STPG2: variants seen among roughly 807,000 people sequenced by gnomAD.
STPG2 encodes the protein sperm tail PG-rich repeat containing 2.
Under a neutral mutation model 54.2 loss-of-function variants are expected in STPG2, and 56 were observed. The ratio of observed to expected loss-of-function variants is 1.03; its 90% CI spans 0.83 to 1.29. The LOEUF (loss-of-function observed/expected upper bound fraction) is 1.29. Among genes scored for constraint, STPG2 ranks in the 50% most tolerant of loss-of-function variants. The probability of loss-of-function intolerance (pLI) is 0.00; values close to 1 mark genes in which losing one functional copy is unlikely to be tolerated. For missense variants in STPG2, 596 were observed against 544.9 expected (o/e 1.09, Z -0.93); for synonymous variants, 200 against 181.8 (o/e 1.10, Z -0.81).
At chr4:97,899,733 A>T (rs1022255405) in intron 8 of STPG2, among the ~76,000 whole-genome samples, 1 of 152,118 alleles carries the variant, frequency 6.6e-6, no homozygotes, top group Non-Finnish European at 1.5e-5. Flanking sequence ...AATAATCCCT[A>T]TTCAATAAAT....
intron 10 of STPG2, among the ~76,000 whole-genome samples, chr4:97,593,331 A>G (rs1178140499): frequency 6.6e-6 from 1 of 152,066 alleles, no homozygotes; most frequent in Non-Finnish European, 1.5e-5. Flanking sequence ...GCCAGTGTAC[A>G]TGGGCAGACG....
chr4:97,811,532 T>C lies in STPG2; in HGVS notation c.1204+29241A>G, dbSNP rs1384175864. 4.6e-5 allele frequency among the ~76,000 whole-genome samples: 6 copies of C among 129,852 alleles called. No homozygotes were observed. In the East Asian group the frequency reaches 6.7e-4, roughly 14 times the overall value. The allele number at this position is 129,852 out of a possible 152,430, so 85.2% of individuals were successfully genotyped here. ...AAAAATACAGTATTCTCATAAGTTG[T>C]AGCAGCAGTAAAAAAAAAAATGTTA... On this transcript the variant is annotated intron_variant, in intron 9 of 10. Transcript: ENST00000295268.
intron 4 of STPG2, among the ~76,000 whole-genome samples, chr4:97,455,108 A>G (rs987848362): frequency 1.3e-5 from 2 of 152,212 alleles, no homozygotes; most frequent in African/African-American, 4.8e-5. Flanking sequence ...AAATAGCTCA[A>G]AAGAGATCAC....
chr4:97,617,994 G>T (rs1733917678), intron 10 of STPG2, among the ~76,000 whole-genome samples: 1 of 152,134 alleles, frequency 6.6e-6, no homozygotes, highest in Non-Finnish European at 1.5e-5. Context: ...ATCAACCAAA[G>T]TAAGTAACCC....
Position 98,134,405 on chromosome 4 carries a change from G to A in STPG2, c.164C>T (p.Ala55Val), listed in dbSNP as rs748635311. 6 of 1,588,086 alleles carry A rather than the reference G, an allele frequency of 3.8e-6. No individual in the cohort carries two copies. The highest frequency in any genetic ancestry group is 1.1e-5 in the South Asian group (1 of 87,496). ...LTARESTFTI[A>V]SSIEKAVPGP... is the part of the protein sequence containing the mutation. ...TGGAACAGCTTTCTCAATGCTAGAGGCAATGGTAAAAGTACTTTCTCTGGC... is the reference window on the plus strand; with the variant it reads ...TGGAACAGCTTTCTCAATGCTAGAGACAATGGTAAAAGTACTTTCTCTGGC... The change falls in exon 2 of 11, where the codon GCC (alanine) becomes GTC (valine). Residue 55 changes from alanine (A) to valine (V), a missense_variant. Ala to Val is a moderately conservative substitution (Grantham distance 64). Coordinates refer to ENST00000295268, the MANE Select transcript of STPG2 (RefSeq NM_174952.3).
intron 6 of STPG2, among the ~76,000 whole-genome samples, chr4:97,974,899 C>T (rs1477816548): frequency 1.3e-5 from 2 of 152,102 alleles, no homozygotes; most frequent in African/African-American, 2.4e-5. Flanking sequence ...ATGAAAAGAA[C>T]TCAAGTGTCC....
At chr4:97,736,138 T>G (rs186566130) in intron 9 of STPG2, among the ~76,000 whole-genome samples, 8 of 152,008 alleles carry the variant, frequency 5.3e-5, no homozygotes, top group Admixed American at 3.9e-4. Context: ...TGTCAATTCC[T>G]CAGAAATTAA....
intron 9 of STPG2, among the ~76,000 whole-genome samples, chr4:97,714,611 G>T (rs1724233431): frequency 6.6e-6 from 1 of 151,970 alleles, no homozygotes; most frequent in Non-Finnish European, 1.5e-5. Context: ...GCACAACTTT[G>T]GAATAATATA....
chr4:97,630,440 TTACTA>T (rs1166021372), intron 10 of STPG2, among the ~76,000 whole-genome samples: 1 of 151,864 alleles, frequency 6.6e-6, no homozygotes, highest in Non-Finnish European at 1.5e-5. Context: ...ACAAAATAAA[TTACTA>T]TAAAGTATTC....
intron 9 of STPG2, among the ~76,000 whole-genome samples, chr4:97,767,083 T>G (rs966843536): frequency 1.3e-5 from 2 of 152,118 alleles, no homozygotes; most frequent in Non-Finnish European, 2.9e-5. Flanking sequence ...ATAAGAAAAC[T>G]TTTTGGCATC....
At position 97,742,538 on chromosome 4, in the gene STPG2, T is replaced by C. The variant is rs955960435; in HGVS notation, c.1205-29724A>G. 1.6e-3 allele frequency among the ~76,000 whole-genome samples: 230 copies of C among 140,874 alleles called. 4 individuals carry two copies. The highest frequency in any genetic ancestry group is 5.7e-3 in the African/African-American group (220 of 38,532). 92.4% of individuals were successfully genotyped at this position (140,874 alleles called of 152,430 possible). On this transcript the variant is annotated intron_variant, in intron 9 of 10. Transcript: ENST00000295268. ...AATAAACTGTGTGTGTGTGTGTGTG[T>C]GTGTGTGTGTGTGTGTGTGTGTGTG...
intron 8 of STPG2, among the ~76,000 whole-genome samples, chr4:97,902,232 A>T (rs1731205242): frequency 6.6e-6 from 1 of 152,154 alleles, no homozygotes; most frequent in African/African-American, 2.4e-5. Flanking sequence ...GCTCTATGAC[A>T]CTGGTCTTGG....
chr4:97,533,503 A>G (rs1425782865), intron 4 of STPG2, among the ~76,000 whole-genome samples: 2 of 152,194 alleles, frequency 1.3e-5, no homozygotes, highest in Non-Finnish European at 2.9e-5. Flanking sequence ...ATAAACATCC[A>G]TATCACCATC....
rs1728784337 is a variant in STPG2, at chr4:97,840,944, T to A, written c.1045-12A>T. ...GGCGCTGGAATAACCTGAAAAAAAA[T>A]TTAATAGATGAGCATAAATATATCT... On this transcript the variant is annotated splice_polypyrimidine_tract_variant and intron_variant, in intron 8 of 10. Transcript: ENST00000295268. The A allele has an allele frequency of 1.2e-6, 2 of 1,609,176 alleles. No individual in the cohort carries two copies. The highest frequency in any genetic ancestry group is 1.3e-5 in the African/African-American group (1 of 74,656).
intron 4 of STPG2, among the ~76,000 whole-genome samples, chr4:97,525,577 A>G (rs979687692): frequency 6.6e-6 from 1 of 152,016 alleles, no homozygotes; most frequent in Non-Finnish European, 1.5e-5. Flanking sequence ...GAAAAATAAC[A>G]ATATCAAGGT....
intron 8 of STPG2, among the ~76,000 whole-genome samples, chr4:97,899,999 G>A (rs1240686890): frequency 6.6e-6 from 1 of 151,446 alleles, no homozygotes. Flanking sequence ...CTACAGAATG[G>A]AAGGAAATTT....
chr4:98,132,138 A>C (rs1399055281), intron 2 of STPG2, among the ~76,000 whole-genome samples: 1 of 152,012 alleles, frequency 6.6e-6, no homozygotes, highest in Non-Finnish European at 1.5e-5. Context: ...TATTATTAAC[A>C]GTACTAACAC....
chr4:97,670,656 C>A (rs571405956), intron 10 of STPG2, among the ~76,000 whole-genome samples: 4 of 152,116 alleles, frequency 2.6e-5, no homozygotes, highest in Non-Finnish European at 5.9e-5. Context: ...CATAAGAAAC[C>A]ACTGCTAAGA....
intron 4 of STPG2, among the ~76,000 whole-genome samples, chr4:97,454,784 A>G (rs889340802): frequency 6.6e-6 from 1 of 151,990 alleles, no homozygotes; most frequent in Non-Finnish European, 1.5e-5. Context: ...ATCTGAGATG[A>G]TATTTATGTT....
Sources: allele counts gnomAD v4.1 joint callset (sites outside exome capture counted in the v4.1 genomes callset), GRCh38; gene constraint gnomAD v4.1.1; transcripts MANE v1.5; gene names NCBI Gene and HGNC (gene_info 2026-07-23, HGNC 2026-07-21).